The following RAD52 variants were observed in gnomAD, a reference collection of about 807,000 sequenced individuals.
RAD52 encodes the protein RAD52 DNA repair protein.
RAD52 carries 47 observed loss-of-function variants against 55.5 expected under a neutral mutation model. The ratio of observed to expected loss-of-function variants is 0.85; its 90% CI spans 0.67 to 1.08. The LOEUF is 1.08. RAD52 is among the 50% of genes least tolerant of loss of function. The pLI is 0.00. For synonymous variants in RAD52, 184 were observed against 198.9 expected, an observed-to-expected ratio of 0.92 and a Z score of 0.63; for missense variants, 468 against 522.8, an observed-to-expected ratio of 0.90 and a Z score of 1.02.
intron 1 of RAD52, among the ~76,000 whole-genome samples, chr12:933,904 T>A (rs1565674879): frequency 6.6e-6 from 1 of 152,102 alleles, no homozygotes; most frequent in East Asian, 1.9e-4. Flanking sequence ...GAAGGACTGC[T>A]TGAGCCCAGG....
Position 931,227 on chromosome 12 carries a change from C to A in RAD52, c.179G>T (p.Gly60Val). 1.2e-6 allele frequency: 2 copies of A among 1,611,886 alleles called. No homozygotes were observed. Among genetic ancestry groups the A allele is most frequent in the South Asian group, 1.1e-5 (1 of 90,964 alleles). ...GCACATGAATTCTCCTACCTTCTGG[C>A]CTCCGCCAGCCATGCGGCTACTTAT... ...EYISSRMAGGGQKVCYIEGHR... is the reference protein window; with the variant it reads ...EYISSRMAGGVQKVCYIEGHR... The change falls in exon 3 of 12, where the codon GGC becomes GTC. Residue 60 changes from glycine to valine, a missense_variant. By Grantham distance (109) the Gly-to-Val change is moderately radical. Transcript: ENST00000358495.
chr12:941,619 A>C (rs1347087156), intron 1 of RAD52, among the ~76,000 whole-genome samples: 1 of 148,734 alleles, frequency 6.7e-6, no homozygotes, highest in Non-Finnish European at 1.5e-5. Flanking sequence ...CACCTGGCCC[A>C]AAATTTTTAT....
intron 1 of RAD52, among the ~76,000 whole-genome samples, chr12:934,258 G>C (rs963767435): frequency 5.3e-5 from 8 of 151,964 alleles, no homozygotes; most frequent in Non-Finnish European, 1.2e-4. Flanking sequence ...CCTGAGGTCA[G>C]GAGTTTGAGA....
At chr12:916,530 C>T (rs1170330047) in intron 8 of RAD52, 47 bp from the exon 9 acceptor site, 5 of 1,605,420 alleles carry the variant, frequency 3.1e-6, no homozygotes, top group Admixed American at 3.4e-5. Context: ...GCAACAGCCG[C>T]GGCTGCTGGG....
chr12:923,222 T>TAA (rs36095351), intron 7 of RAD52, among the ~76,000 whole-genome samples: 3 of 144,900 alleles, frequency 2.1e-5, no homozygotes, highest in Non-Finnish European at 4.5e-5. Flanking sequence ...ACTCACCTCT[T>TAA]AAAAAAAAAA....
chr12:918,200 A>C (rs1956512977), intron 7 of RAD52, among the ~76,000 whole-genome samples: 1 of 152,200 alleles, frequency 6.6e-6, no homozygotes, highest in African/African-American at 2.4e-5. Flanking sequence ...ACAAAAACCA[A>C]AATGTCTACT....
Position 925,538 on chromosome 12 carries a change from G to GA in RAD52, c.468-14dup, listed in dbSNP as rs1956986786. 1.9e-6 allele frequency: 3 copies of GA among 1,594,502 alleles called. No homozygotes were observed. The highest frequency in any genetic ancestry group is 2.6e-6 in the Non-Finnish European group (3 of 1,163,590). On this transcript the variant is annotated splice_polypyrimidine_tract_variant and intron_variant, in intron 6 of 11. Coordinates refer to ENST00000358495, the MANE Select transcript of RAD52 (RefSeq NM_134424.4). Reference sequence around the variant, plus strand: ...ATTCCCAAAACTCCTAAGGGCAAGAGAAAAAAAGGTGAAACAGGGTTAAGA... The same window carrying GA: ...ATTCCCAAAACTCCTAAGGGCAAGAGAAAAAAAAGGTGAAACAGGGTTAAGA...
At chr12:928,774 AC>A (rs1957175440) in intron 5 of RAD52, among the ~76,000 whole-genome samples, 1 of 152,160 alleles carries the variant, frequency 6.6e-6, no homozygotes, top group African/African-American at 2.4e-5. Flanking sequence ...CTATAATATA[AC>A]TAAATCCAAA....
chr12:964,961 G>T (rs369421244), intron 1 of RAD52, among the ~76,000 whole-genome samples: 3 of 73,890 alleles, frequency 4.1e-5, no homozygotes, highest in Non-Finnish European at 6.1e-5. Context: ...CTGCCCGCCT[G>T]CCTGCCTTCC....
chr12:928,987 CTT>C (rs755013396), intron 5 of RAD52, among the ~76,000 whole-genome samples: 10 of 152,130 alleles, frequency 6.6e-5, no homozygotes, highest in Non-Finnish European at 1.5e-4. Context: ...ACCTCAGCCT[CTT>C]GAGTAGCTAG....
At chr12:926,897 C>T (rs574814563) in intron 6 of RAD52, 18 of 1,536,426 alleles carry the variant, frequency 1.2e-5, no homozygotes, top group East Asian at 4.9e-5. Flanking sequence ...ACTGAGTGCA[C>T]GGAGAAGAGA....
At chr12:970,242 C>T (rs1003938211) in intron 1 of RAD52, among the ~76,000 whole-genome samples, 2 of 142,098 alleles carry the variant, frequency 1.4e-5, no homozygotes, top group Non-Finnish European at 3.0e-5. Flanking sequence ...TCACCTGAAC[C>T]CAGGAGGTGA....
chr12:931,403 A>G (rs1957321829), intron 2 of RAD52, 82 bp from the exon 3 acceptor site: 1 of 1,067,308 alleles, frequency 9.4e-7, no homozygotes, highest in Non-Finnish European at 1.3e-6. Context: ...TGGAGACTTT[A>G]TACTCTTAAA....
At chr12:934,756 G>T (rs1957524736) in intron 1 of RAD52, among the ~76,000 whole-genome samples, 1 of 151,984 alleles carries the variant, frequency 6.6e-6, no homozygotes, top group Non-Finnish European at 1.5e-5. Flanking sequence ...TACAATTTTT[G>T]TCAGTCATAC....
intron 1 of RAD52, among the ~76,000 whole-genome samples, chr12:948,171 C>T (rs1350294095): frequency 1.3e-5 from 2 of 151,922 alleles, no homozygotes; most frequent in Admixed American, 6.6e-5. Flanking sequence ...CATAGATGGA[C>T]TTTGAATCAT....
At chr12:950,060 G>T (rs1958482228), upstream of RAD52, among the ~76,000 whole-genome samples, 1 of 152,170 alleles carries the variant, frequency 6.6e-6, no homozygotes, top group Non-Finnish European at 1.5e-5. Context: ...TTAGGATGCG[G>T]GGCCCGCCCA....
intron 1 of RAD52, among the ~76,000 whole-genome samples, chr12:972,872 G>A (rs1833549165): frequency 6.6e-6 from 1 of 152,022 alleles, no homozygotes; most frequent in African/African-American, 2.4e-5. Flanking sequence ...AATGAGCTAG[G>A]AGACTAGCAG....
At chr12:933,182 G>A in intron 1 of RAD52, 106 bp from the exon 2 acceptor site, 1 of 753,914 alleles carries the variant, frequency 1.3e-6, no homozygotes, top group Non-Finnish European at 2.2e-6. Flanking sequence ...TATGCGGCCA[G>A]GCACAGTGGC....
Position 983,530 on chromosome 12 carries a change from C to T in RAD52, c.-19+6279G>A, listed in dbSNP as rs149121264. Among the ~76,000 whole-genome samples the T allele has an allele frequency of 6.3e-3, 959 of 151,750 alleles. 5 individuals are homozygous for T. The highest frequency in any genetic ancestry group is 0.021 in the African/African-American group (863 of 41,350). ...CTCCCAGATTCAAGTGATGATTCTC[C>T]TGCCCCAGCCTCTCAAGTAGCTAGG... On this transcript the variant is annotated intron_variant, in intron 1 of 11. Coordinates refer to the RAD52 transcript ENST00000430095.
Sources: allele counts gnomAD v4.1 joint callset (sites outside exome capture counted in the v4.1 genomes callset), GRCh38; gene constraint gnomAD v4.1.1; transcripts MANE v1.5; gene names NCBI Gene and HGNC (gene_info 2026-07-23, HGNC 2026-07-21).